The following KAT5 variants were observed in gnomAD, a reference collection of about 807,000 sequenced individuals.
KAT5 encodes the protein lysine acetyltransferase 5.
In KAT5, 31 loss-of-function variants were observed where a neutral mutation model predicts 68.1. That is an observed-to-expected ratio of 0.46 (90% confidence interval 0.34 to 0.61). The LOEUF is 0.61. Among genes scored for constraint, KAT5 ranks in the 20% least tolerant of loss-of-function variants. KAT5 has a pLI of 0.01. For missense variants in KAT5, 451 were observed against 725.5 expected, an observed-to-expected ratio of 0.62 and a Z score of 4.35; for synonymous variants, 365 against 292.6, an observed-to-expected ratio of 1.25 and a Z score of -2.52.
intron 8 of KAT5, 93 bp downstream of exon 8, chr11:65,715,003 A>T: frequency 9.2e-7 from 1 of 1,083,626 alleles, no homozygotes; most frequent in Non-Finnish European, 1.4e-6. Context: ...CCAGCAGATC[A>T]GTCCAGCCCA....
chr11:65,714,879 CCTT>C lies in KAT5; in HGVS notation c.1002_1004del (p.Phe335del). 1.2e-6 allele frequency: 2 copies of C among 1,614,238 alleles called. No homozygotes were observed. Among genetic ancestry groups the C allele is most frequent in the Non-Finnish European group, 1.7e-6 (2 of 1,180,034 alleles). ...GAGATTTACCGCAAGGGCACCATCTCCTTCTTTGAGATTGATGGACGTAAGAAC... is the reference window on the plus strand; with the variant it reads ...GAGATTTACCGCAAGGGCACCATCTCCTTTGAGATTGATGGACGTAAGAAC... On this transcript the variant is annotated inframe_deletion, in exon 8 of 13. Transcript: ENST00000341318.
At position 65,714,482 on chromosome 11, in the gene KAT5, T is replaced by C; in HGVS notation, c.691-13T>C. The C allele has an allele frequency of 6.2e-7, 1 of 1,612,416 alleles. No homozygotes were observed. Among genetic ancestry groups the C allele is most frequent in the Non-Finnish European group, 8.5e-7 (1 of 1,179,276 alleles). On this transcript the variant is annotated splice_polypyrimidine_tract_variant and intron_variant, in intron 6 of 12. Transcript: ENST00000341318. Reference sequence around the variant, plus strand: ...TCTCTTACAACCTGGTATTTTCCACTGGCCCTGGGCAGGACTCCCAGGACA... The same window carrying C: ...TCTCTTACAACCTGGTATTTTCCACCGGCCCTGGGCAGGACTCCCAGGACA...
chr11:65,712,731 CCTGT>C (rs749972219), intron 1 of KAT5, 31 bp from the exon 2 acceptor site: 13 of 1,610,880 alleles, frequency 8.1e-6, no homozygotes, highest in South Asian at 2.2e-5. Flanking sequence ...CATAGCCTGG[CCTGT>C]CTAAGGCCCC....
intron 1 of KAT5, 144 bp from the exon 2 acceptor site, chr11:65,712,622 G>A (rs769241061): frequency 8.3e-7 from 1 of 1,208,328 alleles, no homozygotes; most frequent in African/African-American, 1.5e-5. Context: ...CTGGAAAGGG[G>A]TGGCACTTGT....
At chr11:65,715,056 G>T in intron 8 of KAT5, 146 bp downstream of exon 8, 2 of 692,006 alleles carry the variant, frequency 2.9e-6, no homozygotes, top group Non-Finnish European at 5.2e-6. Context: ...TGGTAGCCAG[G>T]AATGAGACAG....
intron 6 of KAT5, chr11:65,714,218 C>T (rs994272747): frequency 1.9e-6 from 1 of 537,394 alleles, no homozygotes; most frequent in African/African-American, 1.9e-5. Flanking sequence ...CTGCTTGAAC[C>T]CCGGAGGTGG....
chr11:65,718,502 G>A (rs528634366), intron 10 of KAT5, 88 bp from the exon 11 acceptor site: 2 of 1,408,716 alleles, frequency 1.4e-6, no homozygotes, highest in Admixed American at 1.9e-5. Context: ...TAGGAACTAG[G>A]CAGCCTGCCT....
intron 8 of KAT5, among the ~76,000 whole-genome samples, chr11:65,715,552 A>G (rs1857161915): frequency 6.7e-6 from 1 of 149,706 alleles, no homozygotes; most frequent in South Asian, 2.1e-4. Flanking sequence ...CAAGGTCAGG[A>G]GATCGAGACC....
In KAT5 at chr11:65,713,670, G is replaced by A. The variant is rs1312924394; in HGVS notation, c.615+3G>A. ...CCCCGGCCTCGGTTTTTCCCCAGGT[G>A]AGTTCCCCAAACCATCTCTTGTTCT... On this transcript the variant is annotated splice_donor_region_variant and intron_variant, in intron 5 of 12. Transcript: ENST00000341318. 3.7e-6 allele frequency: 6 copies of A among 1,614,006 alleles called. No individual in the cohort carries two copies. In the Admixed American group the frequency reaches 8.3e-5, roughly 22 times the overall value.
chr11:65,718,580 A>G lies in KAT5; in HGVS notation c.1265-10A>G, dbSNP rs745451443. 6.2e-7 allele frequency: 1 copy of G among 1,611,774 alleles called. No individual in the cohort carries two copies. The highest frequency in any genetic ancestry group is 1.3e-5 in the African/African-American group (1 of 74,802). Reference sequence around the variant, plus strand: ...CCTCTTACTCACCCTCTCCTGCTCCATTGCTTTAGGCTATGAACTCTCCAA... The same window carrying G: ...CCTCTTACTCACCCTCTCCTGCTCCGTTGCTTTAGGCTATGAACTCTCCAA... On this transcript the variant is annotated splice_polypyrimidine_tract_variant and intron_variant, in intron 10 of 12. Coordinates refer to ENST00000341318, the MANE Select transcript of KAT5 (RefSeq NM_182710.3).
Position 65,718,726 on chromosome 11 carries a change from G to T in KAT5, c.1401G>T (p.Gly467=), listed in dbSNP as rs1659695220. 1 of 1,614,016 alleles carries T rather than the reference G, an allele frequency of 6.2e-7. No homozygotes were observed. Among genetic ancestry groups the T allele is most frequent in the African/African-American group, 1.3e-5 (1 of 74,892 alleles). Reference sequence around the variant, plus strand: ...TGATGGGGCTGAAGTCGGAGAGCGGGGAGAGGCCACAGATCACCATCAAGT... The same window carrying T: ...TGATGGGGCTGAAGTCGGAGAGCGGTGAGAGGCCACAGATCACCATCAAGT... ...EILMGLKSES[G]ERPQITINEI... The change falls in exon 11 of 13, where the codon GGG becomes GGT. Residue 467 remains glycine (G), a synonymous_variant. Transcript: ENST00000341318.
At chr11:65,717,903 A>G (rs1857256454) in intron 10 of KAT5, 1 of 152,724 alleles carries the variant, frequency 6.5e-6, no homozygotes, top group South Asian at 2.1e-4. Context: ...ACTGGGGAGA[A>G]TGAAGACACT....
rs1857049516 is a variant in KAT5 at position 65,712,387 on chromosome 11, A to C, written c.120A>C (p.Ile40=). The change falls in exon 1 of 13, where the codon ATA becomes ATC. Residue 40 remains isoleucine, a synonymous_variant. Transcript: ENST00000341318. The part of the protein sequence containing the change: ...PGVALSPQGE[I]IEGCRLPVLR... ...TCGCGCTGTCTCCCCAGGGGGAGATAATCGAGGGCTGCCGCCTACCCGTGC... is the reference window on the plus strand; with the variant it reads ...TCGCGCTGTCTCCCCAGGGGGAGATCATCGAGGGCTGCCGCCTACCCGTGC... 1 of 1,580,784 alleles carries C rather than the reference A, an allele frequency of 6.3e-7. No homozygotes were observed. Among genetic ancestry groups the C allele is most frequent in the East Asian group, 2.3e-5 (1 of 43,246 alleles).
chr11:65,716,835 G>A (rs1312029463), intron 9 of KAT5, 28 bp downstream of exon 9: 1 of 1,614,074 alleles, frequency 6.2e-7, no homozygotes, highest in Admixed American at 1.7e-5. Flanking sequence ...CTGTCCCTGT[G>A]CCCTGTCCTG....
rs776536964 is a variant in KAT5 at position 65,713,334 on chromosome 11, A to G, written c.385-14A>G. ...TCCCCGCCCCAAAGGAAGACCCTGG[A>G]CCTATCTCTACAGCCGGCCTCGGCG... On this transcript the variant is annotated splice_polypyrimidine_tract_variant and intron_variant, in intron 3 of 12. Coordinates refer to ENST00000341318, the MANE Select transcript of KAT5 (RefSeq NM_182710.3). 1 of 1,613,452 alleles carries G rather than the reference A, an allele frequency of 6.2e-7. No individual in the cohort carries two copies. Among genetic ancestry groups the G allele is most frequent in the Non-Finnish European group, 8.5e-7 (1 of 1,179,770 alleles).
chr11:65,718,862 C>G lies in KAT5; in HGVS notation c.1425-11C>G. Reference sequence around the variant, plus strand: ...AGGTCCTCAGGGAACCTGACCTGTGCTCTCCCACAGTGAGATTAGTGAAAT... The same window carrying G: ...AGGTCCTCAGGGAACCTGACCTGTGGTCTCCCACAGTGAGATTAGTGAAAT... On this transcript the variant is annotated splice_polypyrimidine_tract_variant and intron_variant, in intron 11 of 12. Transcript: ENST00000341318. The G allele has an allele frequency of 6.2e-7, 1 of 1,614,054 alleles. No homozygotes were observed. Among genetic ancestry groups the G allele is most frequent in the Non-Finnish European group, 8.5e-7 (1 of 1,179,938 alleles).
At chr11:65,712,187 T>C, upstream of KAT5, 1 of 1,345,162 alleles carries the variant, frequency 7.4e-7, no homozygotes, top group Admixed American at 3.7e-5. Context: ...AGGGGCTTCG[T>C]GAGGCCCGGG....
intron 12 of KAT5, 40 bp from the exon 13 acceptor site, chr11:65,719,007 T>A: frequency 6.2e-7 from 1 of 1,614,034 alleles, no homozygotes; most frequent in Non-Finnish European, 8.5e-7. Flanking sequence ...TGCAGTCCTC[T>A]GTGGGCTGAC....
chr11:65,712,477 C>G (rs1476873692), intron 1 of KAT5, 32 bp downstream of exon 1: 8 of 1,575,500 alleles, frequency 5.1e-6, no homozygotes, highest in Non-Finnish European at 6.8e-6. Context: ...GACTAAGGAA[C>G]CTGAGGGCGA....
Sources: gnomAD v4.1 joint callset for allele counts (sites outside exome capture counted in the v4.1 genomes callset) on GRCh38, gnomAD v4.1.1 for gene constraint, MANE v1.5 for transcripts, NCBI Gene and HGNC (gene_info 2026-07-23, HGNC 2026-07-21) for gene names.